SMYD3: variants seen among roughly 807,000 people sequenced by gnomAD.
SMYD3 encodes histone-lysine N-methyltransferase SMYD3.
Under a neutral mutation model 57.7 loss-of-function variants are expected in SMYD3, and 36 were observed. The observed-to-expected ratio is 0.62, with a 90% CI of 0.48 to 0.82. SMYD3 has a LOEUF of 0.82. Among genes scored for constraint, SMYD3 ranks in the 40% least tolerant of loss-of-function variants. The probability of loss-of-function intolerance (pLI) is 0.00; values close to 1 mark genes in which losing one functional copy is unlikely to be tolerated. For synonymous variants in SMYD3, 211 were observed against 195.0 expected (o/e 1.08, Z -0.68); for missense variants, 515 against 538.8 (o/e 0.96, Z 0.44).
At chr1:246,112,917 C>T (rs2061271523) in intron 5 of SMYD3, among the ~76,000 whole-genome samples, 1 of 152,176 alleles carries the variant, frequency 6.6e-6, no homozygotes, top group Non-Finnish European at 1.5e-5. Context: ...CACAGTGGCT[C>T]ACGCCTGTAA....
intron 1 of SMYD3, among the ~76,000 whole-genome samples, chr1:246,458,080 A>G (rs1012706929): frequency 6.6e-6 from 1 of 152,128 alleles, no homozygotes; most frequent in African/African-American, 2.4e-5. Flanking sequence ...TGTTTTTCTG[A>G]CTTGGGTCCA....
At chr1:246,225,346 A>AC (rs2063314775) in intron 5 of SMYD3, among the ~76,000 whole-genome samples, 1 of 146,144 alleles carries the variant, frequency 6.8e-6, no homozygotes, top group Non-Finnish European at 1.5e-5. Context: ...AAAAAAAAAA[A>AC]AAAAAAAAAA....
chr1:246,021,860 T>C (rs931299304), intron 5 of SMYD3, among the ~76,000 whole-genome samples: 4 of 152,220 alleles, frequency 2.6e-5, no homozygotes, highest in African/African-American at 9.6e-5. Context: ...ATATTGAGCA[T>C]AGGATATCAG....
intron 5 of SMYD3, among the ~76,000 whole-genome samples, chr1:245,957,002 C>T (rs1025312383): frequency 1.3e-5 from 2 of 152,164 alleles, no homozygotes; most frequent in African/African-American, 4.8e-5. Context: ...TTTTGCTAAA[C>T]TAGAAACGAA....
intron 5 of SMYD3, among the ~76,000 whole-genome samples, chr1:246,073,831 T>C (rs549493089): frequency 2.0e-5 from 3 of 152,130 alleles, no homozygotes; most frequent in Non-Finnish European, 4.4e-5. Flanking sequence ...CAAACCTCCA[T>C]AGAGGTACTG....
At chr1:245,990,871 AAGTG>A (rs1252275910) in intron 5 of SMYD3, among the ~76,000 whole-genome samples, 1 of 152,252 alleles carries the variant, frequency 6.6e-6, no homozygotes, top group African/African-American at 2.4e-5. Context: ...CAGAAACAGA[AAGTG>A]AGTGCACTGA....
intron 1 of SMYD3, among the ~76,000 whole-genome samples, chr1:246,488,299 T>C (rs1051143266): frequency 6.6e-6 from 1 of 152,224 alleles, no homozygotes; most frequent in Non-Finnish European, 1.5e-5. Flanking sequence ...AGATCTCTGA[T>C]ACAGAAAGGT....
intron 5 of SMYD3, among the ~76,000 whole-genome samples, chr1:246,265,086 CT>C: frequency 6.6e-6 from 1 of 152,282 alleles, no homozygotes; most frequent in Non-Finnish European, 1.5e-5. Flanking sequence ...ATTAATTGCT[CT>C]TGCACTGTTC....
In SMYD3 at chr1:246,355,044, C is replaced by G; in HGVS notation, c.215G>C (p.Ser72Thr). 5 of 1,614,172 alleles carry G rather than the reference C, an allele frequency of 3.1e-6. No homozygotes were observed. Among genetic ancestry groups the G allele is most frequent in the South Asian group, 1.1e-5 (1 of 91,088 alleles). ...CSQCRVAKYC[S>T]AKCQKKAWPD... ...GAAAAGTCTTACCTGACACTTAGCA[C>G]TACAGTATTTGGCGACGCGGCACTG... The change falls in exon 2 of 12, where the codon AGT (serine) becomes ACT (threonine). Residue 72 changes from serine to threonine, a missense_variant. Transcript: ENST00000490107. This position sits in a 1 kb window ranked among gnomAD's most constrained non-coding sequence, Gnocchi z 5.0.
At chr1:245,920,097 A>C (rs1395841825) in intron 7 of SMYD3, among the ~76,000 whole-genome samples, 1 of 152,108 alleles carries the variant, frequency 6.6e-6, no homozygotes, top group East Asian at 1.9e-4. Flanking sequence ...TAGGATCACG[A>C]GGTCAGGAGA....
rs191298902 is a variant in SMYD3, at chr1:246,022,394, G to A, written c.532-92457C>T. Among the ~76,000 whole-genome samples, 7 of 152,248 alleles carry A rather than the reference G, an allele frequency of 4.6e-5. No individual in the cohort carries two copies. In the East Asian group the frequency reaches 1.4e-3, roughly 29 times the overall value. Reference sequence around the variant, plus strand: ...GAGTATGAGAACTACAGTGCACAGCGAGGGGGTAAGAACGTGGGTTCTGGA... The same window carrying A: ...GAGTATGAGAACTACAGTGCACAGCAAGGGGGTAAGAACGTGGGTTCTGGA... On this transcript the variant is annotated intron_variant, in intron 5 of 11. Transcript: ENST00000490107.
At chr1:246,190,906 C>T (rs2062727404) in intron 5 of SMYD3, among the ~76,000 whole-genome samples, 2 of 152,200 alleles carry the variant, frequency 1.3e-5, no homozygotes, top group South Asian at 4.1e-4. Context: ...CTAGAAAAGC[C>T]AGTATCAGAA....
intron 8 of SMYD3, among the ~76,000 whole-genome samples, chr1:245,887,213 C>T (rs952218150): frequency 2.6e-5 from 4 of 152,064 alleles, no homozygotes; most frequent in Admixed American, 2.0e-4. Flanking sequence ...CTACCAAAAC[C>T]GAGATGGCCA....
intron 7 of SMYD3, among the ~76,000 whole-genome samples, chr1:245,923,234 C>A (rs956916655): frequency 6.6e-6 from 1 of 151,436 alleles, no homozygotes; most frequent in Non-Finnish European, 1.5e-5. Flanking sequence ...AAATTGTTTT[C>A]TTCAAGTGTT....
chr1:246,195,214 C>T (rs1402677472), intron 5 of SMYD3, among the ~76,000 whole-genome samples: 1 of 152,078 alleles, frequency 6.6e-6, no homozygotes, highest in African/African-American at 2.4e-5. Context: ...GTTTTGCTTG[C>T]CCAGGAAATA....
chr1:246,489,667 CAG>C (rs937101986), intron 1 of SMYD3, among the ~76,000 whole-genome samples: 7 of 150,836 alleles, frequency 4.6e-5, no homozygotes, highest in Non-Finnish European at 1.0e-4. Flanking sequence ...TTGTGTCATT[CAG>C]AGAGAGAGAG....
chr1:246,496,193 C>A (rs936244966), intron 1 of SMYD3, among the ~76,000 whole-genome samples: 80 of 151,880 alleles, frequency 5.3e-4, no homozygotes, highest in African/African-American at 1.7e-3. Context: ...CACACCACCA[C>A]GCCCGGCTAA....
intron 5 of SMYD3, among the ~76,000 whole-genome samples, chr1:246,000,815 G>GT (rs1280075829): frequency 6.6e-6 from 1 of 152,334 alleles, no homozygotes; most frequent in African/African-American, 2.4e-5. Context: ...GACAGAGAAC[G>GT]TATCTAACAG....
chr1:245,752,336 T>C (rs2045423871), intron 11 of SMYD3, among the ~76,000 whole-genome samples: 1 of 152,158 alleles, frequency 6.6e-6, no homozygotes, highest in Admixed American at 6.5e-5. Flanking sequence ...ACAGAGGCCC[T>C]CGGCTGGGTG....
Sources: allele counts gnomAD v4.1 joint callset (sites outside exome capture counted in the v4.1 genomes callset), GRCh38; gene constraint gnomAD v4.1.1; non-coding constraint Gnocchi (gnomAD v3.1); transcripts MANE v1.5; gene names NCBI Gene and HGNC (gene_info 2026-07-23, HGNC 2026-07-21).